LSAMP: variants seen among roughly 807,000 people sequenced by gnomAD.
LSAMP encodes the protein limbic system-associated membrane protein.
LSAMP carries 7 observed loss-of-function variants against 38.6 expected under a neutral mutation model. The observed-to-expected ratio is 0.18, with a 90% CI of 0.10 to 0.34. LSAMP has a LOEUF of 0.34. Among genes scored for constraint, LSAMP ranks in the 10% least tolerant of loss-of-function variants. The probability of loss-of-function intolerance (pLI) is 1.00; values close to 1 mark genes in which losing one functional copy is unlikely to be tolerated. For missense variants in LSAMP, 313 were observed against 420.0 expected, an observed-to-expected ratio of 0.75 and a Z score of 2.23; for synonymous variants, 154 against 166.8, an observed-to-expected ratio of 0.92 and a Z score of 0.59.
intron 3 of LSAMP, among the ~76,000 whole-genome samples, chr3:115,957,001 C>A (rs1938474777): frequency 6.6e-6 from 1 of 152,188 alleles, no homozygotes; most frequent in Non-Finnish European, 1.5e-5. Flanking sequence ...TAAACCCCAA[C>A]AATGATTTAT....
rs568593482 is a variant in LSAMP, at chr3:116,189,143, G to T, written c.156-102587C>A. Among the ~76,000 whole-genome samples, 5 of 152,270 alleles carry T rather than the reference G, an allele frequency of 3.3e-5. No individual in the cohort carries two copies. The South Asian group carries it at 1.0e-3, about 32-fold the overall frequency. The stretch of plus-strand genomic sequence containing the variant: ...TCATGGTAAGTACTATGAACAAAAA[G>T]TGGATAAAGATTAATATATGGTCAT... On this transcript the variant is annotated intron_variant, in intron 1 of 6. Transcript: ENST00000490035.
chr3:116,420,446 T>C (rs1249772882), intron 1 of LSAMP, among the ~76,000 whole-genome samples: 1 of 152,162 alleles, frequency 6.6e-6, no homozygotes, highest in Non-Finnish European at 1.5e-5. Context: ...ATCTTATACA[T>C]CTTTTGAAAA....
chr3:116,038,639 AC>A (rs1294649964), intron 2 of LSAMP, among the ~76,000 whole-genome samples: 1 of 151,952 alleles, frequency 6.6e-6, no homozygotes, highest in Non-Finnish European at 1.5e-5. Context: ...ATATATATAC[AC>A]CCGCCTCTCA....
chr3:116,049,500 CTG>C (rs1941353058), intron 2 of LSAMP, among the ~76,000 whole-genome samples: 1 of 152,150 alleles, frequency 6.6e-6, no homozygotes, highest in African/African-American at 2.4e-5. Flanking sequence ...CTTTCAAACT[CTG>C]TGTTTGTAGG....
At chr3:116,036,945 G>C (rs1377636159) in intron 2 of LSAMP, among the ~76,000 whole-genome samples, 1 of 152,044 alleles carries the variant, frequency 6.6e-6, no homozygotes, top group African/African-American at 2.4e-5. Context: ...TAATATTTTT[G>C]GCTTTCTCTC....
At chr3:116,020,136 C>T (rs1167921824) in intron 2 of LSAMP, among the ~76,000 whole-genome samples, 2 of 152,118 alleles carry the variant, frequency 1.3e-5, no homozygotes, top group Non-Finnish European at 2.9e-5. Context: ...AATCTAGCAA[C>T]ATAATGAACA....
chr3:116,392,996 C>T (rs1242390541), intron 1 of LSAMP, among the ~76,000 whole-genome samples: 1 of 152,130 alleles, frequency 6.6e-6, no homozygotes, highest in Non-Finnish European at 1.5e-5. Flanking sequence ...GACAAGCTGC[C>T]CACTGGGGGT....
chr3:116,404,049 G>A (rs576298874), intron 1 of LSAMP, among the ~76,000 whole-genome samples: 35 of 151,904 alleles, frequency 2.3e-4, no homozygotes, highest in African/African-American at 7.2e-4. Context: ...TTTTTTATAT[G>A]TTAAAATAGG....
chr3:116,100,358 A>C (rs1391650084), intron 1 of LSAMP, among the ~76,000 whole-genome samples: 1 of 151,936 alleles, frequency 6.6e-6, no homozygotes, highest in African/African-American at 2.4e-5. Context: ...GGGATTACAA[A>C]CGTAAGCCAC....
chr3:116,111,717 A>C (rs1369340609), intron 1 of LSAMP, among the ~76,000 whole-genome samples: 1 of 152,130 alleles, frequency 6.6e-6, no homozygotes, highest in Non-Finnish European at 1.5e-5. Flanking sequence ...TTTCCGTTTC[A>C]TTAATTCTGC....
intron 6 of LSAMP, among the ~76,000 whole-genome samples, chr3:115,836,561 A>G (rs1382562033): frequency 6.6e-6 from 1 of 152,216 alleles, no homozygotes; most frequent in Non-Finnish European, 1.5e-5. Flanking sequence ...GAACAGAACT[A>G]TAAGGTTGGC....
At chr3:115,993,965 A>G (rs188525308) in intron 3 of LSAMP, among the ~76,000 whole-genome samples, 74 of 152,214 alleles carry the variant, frequency 4.9e-4, no homozygotes, top group African/African-American at 1.7e-3. Flanking sequence ...CTTTGTTTGG[A>G]AGACTAAAAA....
At chr3:116,359,600 G>T (rs1400299685) in intron 1 of LSAMP, among the ~76,000 whole-genome samples, 1 of 152,220 alleles carries the variant, frequency 6.6e-6, no homozygotes, top group East Asian at 1.9e-4. Context: ...AAGTTCAGGG[G>T]TACATGTGCA....
chr3:116,376,042 T>C (rs182453204), intron 1 of LSAMP, among the ~76,000 whole-genome samples: 1 of 152,174 alleles, frequency 6.6e-6, no homozygotes, highest in Admixed American at 6.6e-5. Flanking sequence ...AGAGGCCTGC[T>C]CTGTAGTACA....
intron 1 of LSAMP, among the ~76,000 whole-genome samples, chr3:116,318,760 A>G (rs1235269818): frequency 6.6e-6 from 1 of 152,212 alleles, no homozygotes; most frequent in Admixed American, 6.5e-5. Context: ...CTCTTTAAGT[A>G]TTTTCTCTGA....
intron 3 of LSAMP, among the ~76,000 whole-genome samples, chr3:115,930,097 T>C (rs889250811): frequency 1.4e-5 from 2 of 142,546 alleles, no homozygotes; most frequent in African/African-American, 5.2e-5. Context: ...AAGGATTAGC[T>C]ATATAACCAG....
intron 3 of LSAMP, among the ~76,000 whole-genome samples, chr3:115,859,816 A>G (rs1287928662): frequency 6.6e-6 from 1 of 152,248 alleles, no homozygotes; most frequent in Non-Finnish European, 1.5e-5. Context: ...CTGAGTTTCC[A>G]GCCTGAGGCT....
chr3:116,236,481 C>A (rs369946318), intron 1 of LSAMP, among the ~76,000 whole-genome samples: 4 of 152,112 alleles, frequency 2.6e-5, no homozygotes, highest in South Asian at 2.1e-4. Flanking sequence ...CTTCATCTGA[C>A]CTTCATCTTG....
At chr3:116,210,694 A>G (rs965146622) in intron 1 of LSAMP, among the ~76,000 whole-genome samples, 17 of 152,278 alleles carry the variant, frequency 1.1e-4, no homozygotes, top group African/African-American at 4.1e-4. Flanking sequence ...CATATATCCT[A>G]TTAGTTGTGT....
Sources: allele counts gnomAD v4.1 joint callset (sites outside exome capture counted in the v4.1 genomes callset), GRCh38; gene constraint gnomAD v4.1.1; transcripts MANE v1.5; gene names NCBI Gene and HGNC (gene_info 2026-07-23, HGNC 2026-07-21).